Variants in SLC41A3 observed in about 807,000 individuals in gnomAD.
SLC41A3 encodes solute carrier family 41 member 3, also known as SLC41A1-like 2.
Under a neutral mutation model 45.4 loss-of-function variants are expected in SLC41A3, and 44 were observed. The ratio of observed to expected loss-of-function variants is 0.97; its 90% CI spans 0.76 to 1.25. The LOEUF (loss-of-function observed/expected upper bound fraction) is 1.25. SLC41A3 is among the 50% of genes most tolerant of loss of function. SLC41A3 has a pLI of 0.00. For missense variants in SLC41A3, 550 were observed against 600.6 expected (o/e 0.92, Z 0.88); for synonymous variants, 256 against 252.4 (o/e 1.01, Z -0.13).
At chr3:126,059,346 C>A (rs1943934832) in intron 2 of SLC41A3, among the ~76,000 whole-genome samples, 1 of 147,534 alleles carries the variant, frequency 6.8e-6, no homozygotes, top group African/African-American at 2.5e-5. Context: ...TGAAGCAAAC[C>A]CAGGGCATAA....
At chr3:126,057,479 G>T (rs1404728311) in intron 2 of SLC41A3, among the ~76,000 whole-genome samples, 1 of 152,230 alleles carries the variant, frequency 6.6e-6, no homozygotes, top group Non-Finnish European at 1.5e-5. Flanking sequence ...AGGGCAGGCT[G>T]GGGCAGGCAG....
chr3:126,066,503 A>G (rs1321638095), intron 2 of SLC41A3, among the ~76,000 whole-genome samples: 1 of 152,214 alleles, frequency 6.6e-6, no homozygotes, highest in African/African-American at 2.4e-5. Flanking sequence ...ATACAATGAA[A>G]TGCAATTTCC....
At chr3:126,097,649 C>T (rs958103017) in intron 1 of SLC41A3, among the ~76,000 whole-genome samples, 13 of 152,156 alleles carry the variant, frequency 8.5e-5, no homozygotes, top group African/African-American at 3.1e-4. Context: ...CTGGGCCTGT[C>T]TGGTTTTCAT....
At chr3:126,050,183 C>A (rs11716183) in intron 3 of SLC41A3, among the ~76,000 whole-genome samples, 7,079 of 152,240 alleles carry the variant, frequency 0.046, 234 homozygotes, top group Middle Eastern at 0.082. Flanking sequence ...CAGCCACTTG[C>A]GCCTCACCTA....
intron 6 of SLC41A3, among the ~76,000 whole-genome samples, chr3:126,017,165 CATAA>C (rs1471099880): frequency 6.6e-6 from 1 of 152,212 alleles, no homozygotes; most frequent in African/African-American, 2.4e-5. Flanking sequence ...ATGCTACTGT[CATAA>C]ATAAATAGAA....
chr3:126,011,709 A>G (rs1419624013), intron 9 of SLC41A3, among the ~76,000 whole-genome samples: 1 of 152,244 alleles, frequency 6.6e-6, no homozygotes, highest in Admixed American at 6.5e-5. Flanking sequence ...ATACCTATAC[A>G]GCAAAATAAA....
At chr3:126,067,018 G>T (rs1276018095) in intron 2 of SLC41A3, among the ~76,000 whole-genome samples, 2 of 137,374 alleles carry the variant, frequency 1.5e-5, no homozygotes, top group Non-Finnish European at 3.2e-5. Flanking sequence ...TGGATTGACA[G>T]GCAAAATATC....
chr3:126,065,437 T>C (rs112916269), intron 2 of SLC41A3, among the ~76,000 whole-genome samples: 3 of 152,342 alleles, frequency 2.0e-5, no homozygotes, highest in African/African-American at 7.2e-5. Flanking sequence ...TTTTGAAATG[T>C]TTGCACTGAA....
intron 9 of SLC41A3, among the ~76,000 whole-genome samples, chr3:126,011,077 AC>A (rs1939654133): frequency 6.6e-6 from 1 of 152,228 alleles, no homozygotes; most frequent in African/African-American, 2.4e-5. Flanking sequence ...AAGACAACCA[AC>A]AGACAGCAGA....
intron 4 of SLC41A3, among the ~76,000 whole-genome samples, chr3:126,030,872 G>T (rs1420195194): frequency 6.6e-6 from 1 of 152,154 alleles, no homozygotes; most frequent in Admixed American, 6.5e-5. Context: ...ATTGAAGGGG[G>T]TCAATGTTGG....
chr3:126,020,919 C>G (rs1465661135), intron 6 of SLC41A3, among the ~76,000 whole-genome samples: 1 of 150,304 alleles, frequency 6.7e-6, no homozygotes, highest in Non-Finnish European at 1.5e-5. Context: ...TTTTTTGAGA[C>G]AGTCTCTCTC....
intron 2 of SLC41A3, among the ~76,000 whole-genome samples, chr3:126,060,106 T>C (rs1943975968): frequency 6.6e-6 from 1 of 152,186 alleles, no homozygotes; most frequent in Non-Finnish European, 1.5e-5. Context: ...TACAAAAATG[T>C]TTCTCAAATC....
Position 126,006,554 on chromosome 3 carries a change from G to A in SLC41A3, c.*462C>T, listed in dbSNP as rs772901628. ...TTGGCACAGCAGCAGTGTGGCCCAC[G>A]GAGCTTGAACCTGGTGAAGACAGCA... On this transcript the variant is annotated 3_prime_UTR_variant, in exon 11 of 11. Transcript: ENST00000360370. 2.9e-5 allele frequency: 47 copies of A among 1,602,984 alleles called. No individual in the cohort carries two copies. The highest frequency in any genetic ancestry group is 4.5e-5 in the East Asian group (2 of 44,854).
intron 3 of SLC41A3, among the ~76,000 whole-genome samples, chr3:126,044,990 G>T (rs1942870768): frequency 6.8e-6 from 1 of 147,420 alleles, no homozygotes; most frequent in African/African-American, 2.5e-5. Context: ...GACAACAGAA[G>T]TATCTCCAAA....
chr3:126,075,801 C>G (rs1004498138), intron 1 of SLC41A3, among the ~76,000 whole-genome samples: 1 of 152,082 alleles, frequency 6.6e-6, no homozygotes, highest in Non-Finnish European at 1.5e-5. Context: ...AATTTGAACC[C>G]CTACCTCAAA....
At chr3:126,087,793 T>TC (rs1354621075), upstream of SLC41A3, among the ~76,000 whole-genome samples, 17 of 70,526 alleles carry the variant, frequency 2.4e-4, no homozygotes, top group African/African-American at 2.4e-3. Flanking sequence ...AGGAATTTGT[T>TC]TAAAAAAAAA....
intron 9 of SLC41A3, among the ~76,000 whole-genome samples, 179 bp from the exon 10 acceptor site, chr3:126,009,059 T>G (rs1939430766): frequency 6.6e-6 from 1 of 152,118 alleles, no homozygotes; most frequent in South Asian, 2.1e-4. Context: ...CCTTCCCTCG[T>G]GGAGCTGATA....
Position 126,068,195 on chromosome 3 carries a change from G to A in SLC41A3, c.25C>T (p.Arg9Trp), listed in dbSNP as rs1169362708. MDGTETRQRRLDSCGKPGE... is the reference protein window; with the variant it reads MDGTETRQWRLDSCGKPGE... The stretch of plus-strand genomic sequence containing the variant: ...GGCTTGCCACAGCTGTCCAGCCTCC[G>A]CTGCCGGGTCTCTGTCCCATCCATC... Residue 9 changes from arginine (R) to tryptophan (W), a missense_variant, in exon 2 of 11, where the codon CGG becomes TGG. Physicochemically the swap from Arg to Trp is moderately radical, Grantham distance 101. Coordinates refer to ENST00000360370, the MANE Select transcript of SLC41A3 (RefSeq NM_017836.4). The A allele has an allele frequency of 1.3e-6, 2 of 1,558,922 alleles. No homozygotes were observed. The highest frequency in any genetic ancestry group is 1.2e-5 in the South Asian group (1 of 82,110).
At chr3:126,062,018 C>A (rs1944097412) in intron 2 of SLC41A3, among the ~76,000 whole-genome samples, 1 of 152,162 alleles carries the variant, frequency 6.6e-6, no homozygotes, top group Non-Finnish European at 1.5e-5. Context: ...CTCCACAGAC[C>A]CTCCCCTGCT....
Sources: allele counts gnomAD v4.1 joint callset (sites outside exome capture counted in the v4.1 genomes callset), GRCh38; gene constraint gnomAD v4.1.1; transcripts MANE v1.5; gene names NCBI Gene and HGNC (gene_info 2026-07-23, HGNC 2026-07-21).